GPM6B: variants seen among roughly 807,000 people sequenced by gnomAD.
The protein encoded by GPM6B is glycoprotein M6B.
GPM6B carries 4 observed loss-of-function variants against 27.2 expected under a neutral mutation model. The observed-to-expected ratio is 0.15, with a 90% confidence interval of 0.07 to 0.34. The LOEUF (loss-of-function observed/expected upper bound fraction) is 0.34, where lower values mean the gene tolerates loss of function less well. Ranked by LOEUF, GPM6B falls within the 10% of genes least tolerant of loss-of-function variation. The pLI is 1.00. For synonymous variants in GPM6B, 124 were observed against 103.1 expected (o/e 1.20, Z -1.23); for missense variants, 183 against 261.9 (o/e 0.70, Z 2.08).
At chrX:13,817,204 G>A, upstream of GPM6B, 4 of 872,292 alleles carry the variant, frequency 4.6e-6, no homozygotes, top group Admixed American at 1.2e-4. Context: ...GTCTCAATGC[G>A]GCTCCAGTGG....
At chrX:13,773,217 G>C in intron 7 of GPM6B, 187 bp from the exon 8 acceptor site, 1 of 330,460 alleles carries the variant, frequency 3.0e-6, no homozygotes, top group African/African-American at 2.6e-5. Context: ...GCATTAAAAG[G>C]CTGAAGAAAA....
chrX:13,811,945 CT>C (rs1160135028), intron 1 of GPM6B, among the ~76,000 whole-genome samples: 1 of 110,852 alleles, frequency 9.0e-6, no homozygotes, highest in Admixed American at 9.6e-5. Flanking sequence ...TATACTACCC[CT>C]AATGGTCCCT....
At chrX:13,825,025 C>A (rs112730926) in intron 1 of GPM6B, among the ~76,000 whole-genome samples, 4 of 111,497 alleles carry the variant, frequency 3.6e-5, no homozygotes, top group African/African-American at 1.3e-4. Context: ...ACATGGTGTC[C>A]TCTCTGTGTG....
At chrX:13,787,742 T>C (rs973549449) in intron 2 of GPM6B, among the ~76,000 whole-genome samples, 10 of 111,796 alleles carry the variant, frequency 8.9e-5, no homozygotes, top group African/African-American at 3.3e-4. Flanking sequence ...CTCTCCAGGT[T>C]CCCAAACTAA....
rs2049448260 is a variant in GPM6B at position 13,832,272 on chromosome X, C to T, written c.-197-46464G>A. ...GAACATCCTAGACCCAGCAGCCTCA[C>T]ACCAGGTGATTCTGAGATACACCAA... On this transcript the variant is annotated intron_variant, in intron 1 of 6. Transcript: ENST00000398361. 3.6e-5 allele frequency among the ~76,000 whole-genome samples: 4 copies of T among 111,894 alleles called. No homozygotes were observed. In the South Asian group the frequency reaches 1.5e-3, roughly 42 times the overall value.
At chrX:13,827,061 G>A (rs981105532) in intron 1 of GPM6B, among the ~76,000 whole-genome samples, 3 of 110,043 alleles carry the variant, frequency 2.7e-5, no homozygotes, top group Admixed American at 9.7e-5. Context: ...AGAAACCACC[G>A]GGGCTGGGTT....
At chrX:13,777,589 G>A (rs1263535121) in intron 5 of GPM6B, among the ~76,000 whole-genome samples, 164 bp from the exon 6 acceptor site, 2 of 112,394 alleles carry the variant, frequency 1.8e-5, no homozygotes, top group African/African-American at 6.5e-5. Context: ...GGAATAAATA[G>A]CCCCATTTGA....
At chrX:13,864,580 G>C (rs769163789) in intron 1 of GPM6B, among the ~76,000 whole-genome samples, 1 of 112,687 alleles carries the variant, frequency 8.9e-6, no homozygotes, top group African/African-American at 3.2e-5. Context: ...TTAAAGGAAG[G>C]CTGCTTTAGA....
At chrX:13,776,021 C>T in intron 7 of GPM6B, 1 of 395,885 alleles carries the variant, frequency 2.5e-6, no homozygotes, top group Non-Finnish European at 4.4e-6. Flanking sequence ...TCTTTTCTTT[C>T]CAGAGTCCAA....
chrX:13,873,276 G>A lies in GPM6B; in HGVS notation c.-198+65051C>T, dbSNP rs535423321. 3.4e-4 allele frequency among the ~76,000 whole-genome samples: 38 copies of A among 110,740 alleles called. No homozygotes were observed. In the South Asian group the frequency reaches 0.014, roughly 42 times the overall value. On this transcript the variant is annotated intron_variant, in intron 1 of 6. Transcript: ENST00000398361. ...CCCACTACACTGGAGGTTGGTAGGA[G>A]GTGGGTAAGGTGGCAGTGGGACTAA...
At chrX:13,833,557 A>AAAAAAAAAC (rs1555918062) in intron 1 of GPM6B, among the ~76,000 whole-genome samples, 2 of 106,255 alleles carry the variant, frequency 1.9e-5, no homozygotes, top group Non-Finnish European at 3.9e-5. Context: ...TCTTAAAAAA[A>AAAAAAAAAC]AAAAAAAAAA....
At chrX:13,810,185 T>TGTTTTA (rs1296921938) in intron 1 of GPM6B, among the ~76,000 whole-genome samples, 76 of 111,301 alleles carry the variant, frequency 6.8e-4, no homozygotes, top group African/African-American at 2.3e-3. Context: ...CAGGAGATTC[T>TGTTTTA]CTCTCAGAAA....
Position 13,776,249 on chromosome X carries a change from C to T in GPM6B, c.826G>A (p.Val276Ile), listed in dbSNP as rs757587714. Residue 276 changes from valine to isoleucine, a missense_variant, in exon 7 of 8, where the codon GTC becomes ATC. Physicochemically the swap from Val to Ile is conservative, Grantham distance 29. Transcript: ENST00000316715. Reference protein sequence around the residue: ...IVACAGAGATVIALIHFLMIL... With the variant: ...IVACAGAGATIIALIHFLMIL... ...GGGCCATTACTCACCAGGGCAATGA[C>T]GGTGGCACCAGCTCCTGCACAGGCC... 6.5e-5 allele frequency: 79 copies of T among 1,206,252 alleles called. No individual in the cohort carries two copies. The highest frequency in any genetic ancestry group is 3.3e-4 in the African/African-American group (19 of 57,125).
chrX:13,839,133 T>TA (rs1371438293), intron 1 of GPM6B, among the ~76,000 whole-genome samples: 2 of 111,729 alleles, frequency 1.8e-5, no homozygotes, highest in Non-Finnish European at 3.8e-5. Flanking sequence ...TTCATCTATA[T>TA]AAGAAGAACC....
intron 1 of GPM6B, among the ~76,000 whole-genome samples, chrX:13,809,645 T>A (rs1304222532): frequency 1.8e-5 from 2 of 108,639 alleles, no homozygotes; most frequent in African/African-American, 6.7e-5. Context: ...AAAATAAAAA[T>A]TAAAAAATTG....
At chrX:13,855,208 G>A (rs773422041) in intron 1 of GPM6B, among the ~76,000 whole-genome samples, 2 of 111,822 alleles carry the variant, frequency 1.8e-5, no homozygotes, top group African/African-American at 6.5e-5. Flanking sequence ...TAGTAGAGAT[G>A]AGGTTTCACA....
At chrX:13,930,821 C>T (rs1003116926) in intron 1 of GPM6B, among the ~76,000 whole-genome samples, 5 of 112,149 alleles carry the variant, frequency 4.5e-5, no homozygotes, top group Non-Finnish European at 9.4e-5. Flanking sequence ...CACTTCATAA[C>T]TTAAACATTT....
At chrX:13,775,631 A>G (rs1339676856) in intron 7 of GPM6B, among the ~76,000 whole-genome samples, 2 of 112,015 alleles carry the variant, frequency 1.8e-5, no homozygotes, top group Non-Finnish European at 3.8e-5. Flanking sequence ...TGAATTCAAT[A>G]TTAAGGAATC....
At chrX:13,787,907 G>A (rs1156994092) in intron 2 of GPM6B, among the ~76,000 whole-genome samples, 4 of 112,294 alleles carry the variant, frequency 3.6e-5, no homozygotes, top group Non-Finnish European at 7.5e-5. Context: ...AGTTGTATCT[G>A]GTTCTTAAAG....
Sources: allele counts gnomAD v4.1 joint callset (sites outside exome capture counted in the v4.1 genomes callset), GRCh38; gene constraint gnomAD v4.1.1; transcripts MANE v1.5; gene names NCBI Gene and HGNC (gene_info 2026-07-23, HGNC 2026-07-21).